The following KCNC4 variants were observed in gnomAD, a reference collection of about 807,000 sequenced individuals.
The protein encoded by KCNC4 is voltage-gated potassium channel KCNC4.
KCNC4 carries 23 observed loss-of-function variants against 42.8 expected under a neutral mutation model. The ratio of observed to expected loss-of-function variants is 0.54; its 90% confidence interval spans 0.39 to 0.76. The LOEUF is 0.76. KCNC4 is among the 30% of genes least tolerant of loss of function. The pLI is 0.00. For missense variants in KCNC4, 751 were observed against 898.2 expected, an observed-to-expected ratio of 0.84 and a Z score of 2.10; for synonymous variants, 422 against 393.5, an observed-to-expected ratio of 1.07 and a Z score of -0.86.
chr1:110,246,350 A>G (rs1162760354), exon 4 of KCNC4: 2 of 152,212 alleles, frequency 1.3e-5, no homozygotes, highest in Admixed American at 6.5e-5. Flanking sequence ...GCTACCAACC[A>G]TGAGTCAGAC....
intron 3 of KCNC4, 153 bp downstream of exon 3, chr1:110,226,331 A>G (rs577368906): frequency 4.5e-6 from 3 of 672,760 alleles, no homozygotes; most frequent in East Asian, 5.4e-5. Flanking sequence ...TGGGTACCTG[A>G]TCTCCCAGTC....
Position 110,211,652 on chromosome 1 carries a change from C to T in KCNC4, c.153C>T (p.Arg51=), listed in dbSNP as rs1179076976. 6.2e-7 allele frequency: 1 copy of T among 1,613,648 alleles called. No homozygotes were observed. The highest frequency in any genetic ancestry group is 2.2e-5 in the East Asian group (1 of 44,870). ...GCGGCACGCGACATGAGACCTACCG[C>T]AGCACCCTGCGCACCCTACCGGGAA... The part of the protein sequence containing the change: ...NVGGTRHETY[R]STLRTLPGTR... The change falls in exon 1 of 4, where the codon CGC becomes CGT. Residue 51 remains arginine, a synonymous_variant. Transcript: ENST00000438661. The surrounding 1 kb of genome is among the most constrained non-coding windows in gnomAD (Gnocchi z 6.5).
chr1:110,278,603 C>G (rs137982760), intron 1 of KCNC4, among the ~76,000 whole-genome samples: 2 of 152,130 alleles, frequency 1.3e-5, no homozygotes, highest in Non-Finnish European at 2.9e-5. Context: ...TAAAAACCCA[C>G]GTGAACATGT....
intron 1 of KCNC4, chr1:110,219,670 C>T (rs1163196728): frequency 1.3e-5 from 2 of 152,178 alleles, no homozygotes; most frequent in African/African-American, 2.4e-5. Flanking sequence ...GCTGCAACCA[C>T]CTCTTCTTCC....
chr1:110,283,144 A>G (rs3916176), downstream of KCNC4: 39,101 of 151,846 alleles, frequency 0.26, 5,543 homozygotes, highest in Non-Finnish European at 0.33. Flanking sequence ...GGTTCTATTA[A>G]AGCCCACTCT....
intron 3 of KCNC4, among the ~76,000 whole-genome samples, chr1:110,227,167 C>G (rs1488147781): frequency 1.3e-5 from 2 of 152,228 alleles, no homozygotes; most frequent in African/African-American, 4.8e-5. Context: ...TCCCATCCCC[C>G]ACTTCCCTCT....
rs150098740 is a variant in KCNC4, at chr1:110,215,039, C to A, written c.678+2862C>A. On this transcript the variant is annotated intron_variant, in intron 1 of 3. Transcript: ENST00000438661. ...CTCCTCCCTGGAAGGGCCCGCAGCA[C>A]TGTGGGGTGGTGGGCGAAGAGGGAG... Among the ~76,000 whole-genome samples, 279 of 152,360 alleles carry A rather than the reference C, an allele frequency of 1.8e-3. 1 individual carries two copies. Among genetic ancestry groups the A allele is most frequent in the Non-Finnish European group, 3.4e-3 (230 of 68,040 alleles).
intron 1 of KCNC4, among the ~76,000 whole-genome samples, chr1:110,275,842 C>A (rs1659710493): frequency 6.6e-6 from 1 of 150,494 alleles, no homozygotes; most frequent in African/African-American, 2.4e-5. Flanking sequence ...CCTCTAGTCC[C>A]AACTACTCAG....
intron 1 of KCNC4, among the ~76,000 whole-genome samples, chr1:110,264,510 C>G (rs962055629): frequency 2.6e-5 from 4 of 152,130 alleles, no homozygotes; most frequent in African/African-American, 9.7e-5. Context: ...GGTCGATATG[C>G]CAGCAGATCC....
At chr1:110,262,205 A>T (rs1184359913) in intron 1 of KCNC4, among the ~76,000 whole-genome samples, 1 of 152,264 alleles carries the variant, frequency 6.6e-6, no homozygotes, top group East Asian at 1.9e-4. Context: ...TTATAAAAAT[A>T]TTTGTTTGCT....
In KCNC4 at chr1:110,210,860, C is replaced by T. The variant is rs1657399400; in HGVS notation, c.-640C>T. ...CCGCTCTCTGCTCTGCCCCGCCTGC[C>T]TTCCTCGCCCGGCGCTGGATTTATG... On this transcript the variant is annotated 5_prime_UTR_variant, in exon 1 of 4. Coordinates refer to ENST00000438661, the MANE Select transcript of KCNC4 (RefSeq NM_001039574.3). 6.6e-6 allele frequency among the ~76,000 whole-genome samples: 1 copy of T among 152,210 alleles called. No individual in the cohort carries two copies. Among genetic ancestry groups the T allele is most frequent in the Non-Finnish European group, 1.5e-5 (1 of 68,032 alleles).
intron 3 of KCNC4, chr1:110,232,161 T>C (rs1408695144): frequency 6.5e-7 from 1 of 1,546,860 alleles, no homozygotes; most frequent in Non-Finnish European, 8.8e-7. Flanking sequence ...CCAAAAGGGC[T>C]CTCTGAGGGG....
chr1:110,254,334 G>T (rs1428815687), intron 1 of KCNC4, among the ~76,000 whole-genome samples: 1 of 152,230 alleles, frequency 6.6e-6, no homozygotes, highest in African/African-American at 2.4e-5. Flanking sequence ...TCTGACCCCT[G>T]AGGCTTGGGA....
At chr1:110,248,024 G>A (rs534745121) in exon 4 of KCNC4, 1 of 152,304 alleles carries the variant, frequency 6.6e-6, no homozygotes, top group South Asian at 2.1e-4. Flanking sequence ...TGGCCAATTA[G>A]ATCACAGAGA....
Position 110,282,695 on chromosome 1 carries a change from C to T in KCNC4, n.151+41C>T, listed in dbSNP as rs1570590139. 2.6e-5 allele frequency: 4 copies of T among 152,286 alleles called. No individual in the cohort carries two copies. The South Asian group carries it at 6.2e-4, about 24-fold the overall frequency. 9.4% of individuals were successfully genotyped at this position (152,286 alleles called of 1,614,324 possible). A position where few individuals can be genotyped will look rare whatever the true frequency, so the allele number is the denominator to read the frequency against. On this transcript the variant is annotated intron_variant and non_coding_transcript_variant, in intron 2 of 2. Coordinates refer to the KCNC4 transcript ENST00000412512. The stretch of plus-strand genomic sequence containing the variant: ...TCTCCCAGGGTAGAAGCACCTTCTT[C>T]GAAGGGTTGCTGTGGACCAGGGGAT...
Position 110,211,455 on chromosome 1 carries a change from T to G in KCNC4, c.-45T>G, listed in dbSNP as rs762669016. On this transcript the variant is annotated 5_prime_UTR_variant, in exon 1 of 4. Coordinates refer to ENST00000438661, the MANE Select transcript of KCNC4 (RefSeq NM_001039574.3). The surrounding 1 kb of genome is among the most constrained non-coding windows in gnomAD (Gnocchi z 6.5). Reference sequence around the variant, plus strand: ...ACGCTGCCTCCTCGGGAAGGGTGTTTGGAGGGCAGCGGCCGCCCCAAGCCG... The same window carrying G: ...ACGCTGCCTCCTCGGGAAGGGTGTTGGGAGGGCAGCGGCCGCCCCAAGCCG... The G allele has an allele frequency of 1.9e-6, 3 of 1,568,028 alleles. No homozygotes were observed. In the African/African-American group the frequency reaches 4.1e-5, roughly 21 times the overall value.
At chr1:110,269,440 C>G (rs1451514570) in intron 1 of KCNC4, among the ~76,000 whole-genome samples, 1 of 152,108 alleles carries the variant, frequency 6.6e-6, no homozygotes, top group Admixed American at 6.5e-5. Context: ...AATCTGGAGT[C>G]TGGCTTCTTT....
chr1:110,258,815 C>T (rs1192799292), intron 1 of KCNC4, among the ~76,000 whole-genome samples: 1 of 152,138 alleles, frequency 6.6e-6, no homozygotes, highest in Non-Finnish European at 1.5e-5. Flanking sequence ...GTGAATCCTC[C>T]AAGGCACTGA....
chr1:110,230,448 C>T (rs532392291), intron 3 of KCNC4, among the ~76,000 whole-genome samples: 1 of 152,328 alleles, frequency 6.6e-6, no homozygotes, highest in East Asian at 1.9e-4. Flanking sequence ...TGCAGGTTCA[C>T]AGGGATGCCA....
Sources: allele counts gnomAD v4.1 joint callset (sites outside exome capture counted in the v4.1 genomes callset), GRCh38; gene constraint gnomAD v4.1.1; non-coding constraint Gnocchi (gnomAD v3.1); transcripts MANE v1.5; gene names NCBI Gene and HGNC (gene_info 2026-07-23, HGNC 2026-07-21).